The following NDUFAF6 variants were observed in gnomAD, a reference collection of about 807,000 sequenced individuals.
NDUFAF6 encodes the protein NADH:ubiquinone oxidoreductase complex assembly factor 6, also known as NADH dehydrogenase (ubiquinone) complex I, assembly factor 6.
NDUFAF6 carries 45 observed loss-of-function variants against 40.8 expected under a neutral mutation model. The observed-to-expected ratio is 1.10, with a 90% CI of 0.87 to 1.42. NDUFAF6 has a LOEUF of 1.42. Ranked by LOEUF, NDUFAF6 falls within the 40% of genes most tolerant of loss-of-function variation. The probability of loss-of-function intolerance (pLI) is 0.00; values close to 1 mark genes in which losing one functional copy is unlikely to be tolerated. For synonymous variants in NDUFAF6, 185 were observed against 155.9 expected (o/e 1.19, Z -1.39); for missense variants, 435 against 418.5 (o/e 1.04, Z -0.34).
chr8:95,000,398 C>G (rs1393007006), intron 2 of NDUFAF6, among the ~76,000 whole-genome samples: 1 of 152,044 alleles, frequency 6.6e-6, no homozygotes, highest in Non-Finnish European at 1.5e-5. Flanking sequence ...GCTACAATTT[C>G]TTAGACACTA....
intron 2 of NDUFAF6, among the ~76,000 whole-genome samples, chr8:94,983,200 G>A (rs1825584986): frequency 6.8e-6 from 1 of 146,018 alleles, no homozygotes; most frequent in Admixed American, 6.9e-5. Context: ...CTAACAATGT[G>A]TTCACATAGT....
chr8:94,943,121 G>A (rs1366734675), intron 1 of NDUFAF6, among the ~76,000 whole-genome samples: 1 of 152,184 alleles, frequency 6.6e-6, no homozygotes, highest in Non-Finnish European at 1.5e-5. Context: ...TAGAGCTTTG[G>A]AGCTCAGGAG....
At chr8:94,980,589 G>A (rs950986525) in intron 1 of NDUFAF6, among the ~76,000 whole-genome samples, 4 of 134,074 alleles carry the variant, frequency 3.0e-5, no homozygotes, top group African/African-American at 1.1e-4. Context: ...GATTATAGGT[G>A]CCTGTCACCA....
chr8:94,900,530 G>C (rs2131167301), intron 1 of NDUFAF6, among the ~76,000 whole-genome samples: 1 of 152,276 alleles, frequency 6.6e-6, no homozygotes, highest in Middle Eastern at 3.4e-3. Flanking sequence ...CCTCAGAGAT[G>C]GTCAGTTCAG....
downstream of NDUFAF6, among the ~76,000 whole-genome samples, chr8:95,117,107 T>C (rs1810151689): frequency 6.6e-6 from 1 of 152,248 alleles, no homozygotes; most frequent in Non-Finnish European, 1.5e-5. Flanking sequence ...TGGGATACCC[T>C]GCTGAGCATA....
At chr8:95,034,457 A>C (rs1451906019) in intron 2 of NDUFAF6, among the ~76,000 whole-genome samples, 1 of 152,166 alleles carries the variant, frequency 6.6e-6, no homozygotes, top group Non-Finnish European at 1.5e-5. Flanking sequence ...GATCTAATCT[A>C]GGATCATGTA....
chr8:95,100,546 T>C (rs1419096866), intron 1 of NDUFAF6: 3 of 152,228 alleles, frequency 2.0e-5, no homozygotes, highest in Non-Finnish European at 4.4e-5. Context: ...TTAGTTTCAC[T>C]TTCTATGTTT....
At chr8:94,912,088 T>C (rs939772522) in intron 1 of NDUFAF6, among the ~76,000 whole-genome samples, 1 of 152,184 alleles carries the variant, frequency 6.6e-6, no homozygotes, top group African/African-American at 2.4e-5. Context: ...ACTCCCTCAG[T>C]TTTTCTGCTA....
chr8:95,070,197 C>T (rs1259785013), intron 9 of NDUFAF6, among the ~76,000 whole-genome samples: 1 of 152,118 alleles, frequency 6.6e-6, no homozygotes, highest in Non-Finnish European at 1.5e-5. Flanking sequence ...ACTGATTGAC[C>T]ACTAGCAAGT....
intron 2 of NDUFAF6, among the ~76,000 whole-genome samples, chr8:95,009,959 C>T (rs893048663): frequency 6.6e-6 from 1 of 152,100 alleles, no homozygotes; most frequent in Admixed American, 6.5e-5. Flanking sequence ...TACAGAATGC[C>T]CTCCCCCAAG....
intron 2 of NDUFAF6, among the ~76,000 whole-genome samples, chr8:94,997,227 G>A (rs973062743): frequency 6.7e-6 from 1 of 150,054 alleles, no homozygotes; most frequent in Non-Finnish European, 1.5e-5. Flanking sequence ...CACAGTGCAG[G>A]CAATGGCCTG....
chr8:94,935,991 C>T (rs931399206), intron 1 of NDUFAF6, among the ~76,000 whole-genome samples: 7 of 152,114 alleles, frequency 4.6e-5, no homozygotes, highest in African/African-American at 1.7e-4. Flanking sequence ...ATAGTAGAAG[C>T]TGGAGTGGTG....
At chr8:95,048,748 A>T (rs1275937243) in intron 7 of NDUFAF6, among the ~76,000 whole-genome samples, 190 bp downstream of exon 7, 1 of 152,084 alleles carries the variant, frequency 6.6e-6, no homozygotes, top group East Asian at 1.9e-4. Context: ...CCCACCTCAC[A>T]GCATATGAAT....
chr8:94,980,526 C>G (rs1825347944), intron 1 of NDUFAF6, among the ~76,000 whole-genome samples: 1 of 142,070 alleles, frequency 7.0e-6, no homozygotes, highest in Non-Finnish European at 1.5e-5. Flanking sequence ...TCACTGCAAC[C>G]TCCACTTCCT....
At chr8:95,078,913 C>T (rs990968162), downstream of NDUFAF6, among the ~76,000 whole-genome samples, 10 of 151,890 alleles carry the variant, frequency 6.6e-5, no homozygotes, top group Non-Finnish European at 1.0e-4. Context: ...GAATAATGCA[C>T]GCAGGCATCC....
At chr8:94,997,359 G>GAGAC (rs952393374) in intron 2 of NDUFAF6, among the ~76,000 whole-genome samples, 2 of 150,490 alleles carry the variant, frequency 1.3e-5, no homozygotes, top group East Asian at 1.9e-4. Context: ...GAGAGAGAGA[G>GAGAC]AGAGAGACAG....
intron 3 of NDUFAF6, among the ~76,000 whole-genome samples, chr8:95,037,987 G>A (rs1035836682): frequency 1.3e-5 from 2 of 152,064 alleles, no homozygotes; most frequent in Admixed American, 6.5e-5. Flanking sequence ...GGGCTCAGGC[G>A]ATCCTCTTGC....
downstream of NDUFAF6, among the ~76,000 whole-genome samples, chr8:95,117,724 C>T (rs975470647): frequency 5.3e-5 from 8 of 152,124 alleles, no homozygotes; most frequent in Admixed American, 2.6e-4. Flanking sequence ...ATGTCTCTTC[C>T]GGGCCAAGGC....
chr8:94,991,093 G>T (rs1463547167), intron 2 of NDUFAF6, among the ~76,000 whole-genome samples: 8 of 152,190 alleles, frequency 5.3e-5, no homozygotes, highest in Admixed American at 5.2e-4. Flanking sequence ...TAAGGGAACT[G>T]TATATACCAC....
Sources: gnomAD v4.1 joint callset for allele counts (sites outside exome capture counted in the v4.1 genomes callset) on GRCh38, gnomAD v4.1.1 for gene constraint, MANE v1.5 for transcripts, NCBI Gene and HGNC (gene_info 2026-07-23, HGNC 2026-07-21) for gene names.